The following DLC1 variants were observed in gnomAD, a reference collection of about 807,000 sequenced individuals.
DLC1 encodes the protein DLC1 Rho GTPase activating protein.
In DLC1, 54 loss-of-function variants were observed where a neutral mutation model predicts 140.3. The observed-to-expected ratio is 0.38, with a 90% CI of 0.31 to 0.48. DLC1 has a LOEUF of 0.48. DLC1 is among the 20% of genes least tolerant of loss of function. DLC1 has a pLI of 0.96. For synonymous variants in DLC1, 986 were observed against 728.1 expected, an observed-to-expected ratio of 1.35 and a Z score of -5.70; for missense variants, 2,536 against 1,907.0, an observed-to-expected ratio of 1.33 and a Z score of -6.14.
chr8:13,460,152 A>G (rs537997554), intron 2 of DLC1, among the ~76,000 whole-genome samples: 1 of 152,288 alleles, frequency 6.6e-6, no homozygotes, highest in African/African-American at 2.4e-5. Flanking sequence ...TCCTTACCTG[A>G]TATGTCTTAT....
At chr8:13,180,176 C>G (rs1457722584) in intron 5 of DLC1, among the ~76,000 whole-genome samples, 2 of 152,166 alleles carry the variant, frequency 1.3e-5, no homozygotes, top group African/African-American at 2.4e-5. Flanking sequence ...GACTTACTGT[C>G]TTTAGTGCAG....
chr8:13,604,008 T>C (rs1389758443), intron 1 of DLC1, among the ~76,000 whole-genome samples: 6 of 152,116 alleles, frequency 3.9e-5, no homozygotes, highest in African/African-American at 1.2e-4. Context: ...AAAAAGCTTA[T>C]AAGAAAAATA....
chr8:13,144,566 A>G (rs1018539525), intron 5 of DLC1, among the ~76,000 whole-genome samples: 1 of 152,226 alleles, frequency 6.6e-6, no homozygotes, highest in East Asian at 1.9e-4. Flanking sequence ...GAGATCGAGA[A>G]CATCCTGGCT....
At chr8:13,252,287 A>T (rs1348714057) in intron 5 of DLC1, among the ~76,000 whole-genome samples, 1 of 152,184 alleles carries the variant, frequency 6.6e-6, no homozygotes, top group Non-Finnish European at 1.5e-5. Context: ...GTCTCCAGTG[A>T]TGGGTAAAGA....
upstream of DLC1, among the ~76,000 whole-genome samples, chr8:13,518,676 C>A (rs1002211475): frequency 6.6e-6 from 1 of 152,102 alleles, no homozygotes; most frequent in Non-Finnish European, 1.5e-5. Flanking sequence ...TGGAAGTCAG[C>A]TTTTATGTTT....
intron 3 of DLC1, among the ~76,000 whole-genome samples, chr8:13,395,396 G>A (rs565929332): frequency 4.6e-5 from 7 of 152,156 alleles, no homozygotes; most frequent in East Asian, 1.9e-4. Flanking sequence ...CTGGGATTGC[G>A]CGCATGAGCC....
At chr8:13,453,251 G>C (rs1405768827) in intron 2 of DLC1, among the ~76,000 whole-genome samples, 1 of 147,550 alleles carries the variant, frequency 6.8e-6, no homozygotes, top group Non-Finnish European at 1.5e-5. Flanking sequence ...GCATTAAGAA[G>C]ACTAAAGATT....
At chr8:13,482,030 T>C (rs1285040620) in intron 2 of DLC1, among the ~76,000 whole-genome samples, 3 of 152,136 alleles carry the variant, frequency 2.0e-5, no homozygotes, top group East Asian at 1.9e-4. Flanking sequence ...TCAGAGCCAA[T>C]TGAAGGAGCT....
intron 4 of DLC1, among the ~76,000 whole-genome samples, chr8:13,364,517 G>A (rs992091804): frequency 2.0e-5 from 3 of 152,024 alleles, no homozygotes; most frequent in African/African-American, 4.8e-5. Flanking sequence ...GGCTGGTCTC[G>A]AACTCCCAAC....
At chr8:13,403,834 T>C (rs1415062087) in intron 2 of DLC1, among the ~76,000 whole-genome samples, 2 of 141,046 alleles carry the variant, frequency 1.4e-5, no homozygotes, top group Non-Finnish European at 3.1e-5. Context: ...TTTTTTGGTA[T>C]TTTTTGTAGA....
chr8:13,595,472 C>T (rs1805651743), intron 1 of DLC1, among the ~76,000 whole-genome samples: 1 of 151,822 alleles, frequency 6.6e-6, no homozygotes, highest in Non-Finnish European at 1.5e-5. Flanking sequence ...AGAAATTTGA[C>T]AATGTGCCCC....
At chr8:13,477,494 G>A (rs920879679) in intron 2 of DLC1, among the ~76,000 whole-genome samples, 1 of 152,192 alleles carries the variant, frequency 6.6e-6, no homozygotes, top group Non-Finnish European at 1.5e-5. Flanking sequence ...ACTAATCGCA[G>A]AGGATTTAAA....
intron 1 of DLC1, among the ~76,000 whole-genome samples, chr8:13,570,266 G>C (rs1192440282): frequency 6.7e-6 from 1 of 148,898 alleles, no homozygotes; most frequent in Non-Finnish European, 1.5e-5. Flanking sequence ...TGGTTTCTAT[G>C]TGCACATTTG....
At chr8:13,210,487 C>T (rs1211792146) in intron 5 of DLC1, among the ~76,000 whole-genome samples, 9 of 152,224 alleles carry the variant, frequency 5.9e-5, no homozygotes, top group South Asian at 4.2e-4. Flanking sequence ...GCTAACCCTG[C>T]TAATAGGTGT....
At chr8:13,150,411 TC>T (rs1359309051) in intron 5 of DLC1, among the ~76,000 whole-genome samples, 4 of 152,202 alleles carry the variant, frequency 2.6e-5, no homozygotes, top group African/African-American at 9.7e-5. Context: ...TCTTTTTTTT[TC>T]TTTGTCGCCA....
Position 13,301,125 on chromosome 8 carries a change from C to T in DLC1, c.1348+4144G>A, listed in dbSNP as rs945070955. ...TGGATACAGGAGGATAATGGAATCA[C>T]GGGAAAATGGGACACAGCATAAACA... On this transcript the variant is annotated intron_variant, in intron 5 of 17. Coordinates refer to ENST00000276297, the MANE Select transcript of DLC1 (RefSeq NM_182643.3). Among the ~76,000 whole-genome samples, 9 of 151,640 alleles carry T rather than the reference C, an allele frequency of 5.9e-5. No homozygotes were observed. The East Asian group carries it at 7.8e-4, about 13-fold the overall frequency.
At chr8:13,121,144 T>C (rs765418967) in intron 5 of DLC1, among the ~76,000 whole-genome samples, 19 of 152,150 alleles carry the variant, frequency 1.2e-4, no homozygotes, top group Non-Finnish European at 2.2e-4. Context: ...TTCAAGCACT[T>C]TGCAGATTCC....
chr8:13,419,541 C>A (rs1176488684), intron 2 of DLC1, among the ~76,000 whole-genome samples: 1 of 152,058 alleles, frequency 6.6e-6, no homozygotes, highest in East Asian at 1.9e-4. Flanking sequence ...TATTGAACCA[C>A]CTGGCATCCC....
intron 1 of DLC1, among the ~76,000 whole-genome samples, chr8:13,501,944 CTCTT>C (rs1346770680): frequency 1.3e-5 from 2 of 152,128 alleles, no homozygotes; most frequent in Non-Finnish European, 2.9e-5. Flanking sequence ...ATACTTTTCT[CTCTT>C]TATTTTTATC....
Sources: gnomAD v4.1 joint callset for allele counts (sites outside exome capture counted in the v4.1 genomes callset) on GRCh38, gnomAD v4.1.1 for gene constraint, MANE v1.5 for transcripts, NCBI Gene and HGNC (gene_info 2026-07-23, HGNC 2026-07-21) for gene names.